The following ERC1 variants were observed in gnomAD, a reference collection of about 807,000 sequenced individuals.
ERC1 encodes the protein ELKS/RAB6-interacting/CAST family member 1, also known as RAB6 interacting protein 2.
ERC1 carries 56 observed loss-of-function variants against 132.0 expected under a neutral mutation model. That is an observed-to-expected ratio of 0.42 (90% CI 0.34 to 0.53). ERC1 has a LOEUF of 0.53. Among genes scored for constraint, ERC1 ranks in the 20% least tolerant of loss-of-function variants. The pLI is 0.03. For missense variants in ERC1, 1,202 were observed against 1,349.9 expected (o/e 0.89, Z 1.72); for synonymous variants, 478 against 476.1 (o/e 1.00, Z -0.05).
intron 7 of ERC1, among the ~76,000 whole-genome samples, chr12:1,139,958 C>G (rs1949716804): frequency 6.6e-6 from 1 of 151,974 alleles, no homozygotes; most frequent in African/African-American, 2.4e-5. Context: ...ATTAGGTTAA[C>G]TATGTATATT....
At chr12:1,463,482 T>C (rs1030590334) in intron 18 of ERC1, among the ~76,000 whole-genome samples, 5 of 152,242 alleles carry the variant, frequency 3.3e-5, no homozygotes, top group African/African-American at 1.2e-4. Flanking sequence ...TGAATGTTTC[T>C]GATCTGGTTT....
chr12:1,180,931 C>A (rs1382617829), intron 9 of ERC1, among the ~76,000 whole-genome samples: 1 of 151,984 alleles, frequency 6.6e-6, no homozygotes, highest in Admixed American at 6.5e-5. Context: ...CCTGCCTCAG[C>A]CTCCCGAGTA....
intron 13 of ERC1, among the ~76,000 whole-genome samples, chr12:1,255,606 C>T (rs1201987912): frequency 8.1e-6 from 1 of 123,224 alleles, no homozygotes. Context: ...TCTTCAGCAT[C>T]TGTTGCTTCC....
At chr12:1,443,014 T>TC (rs1342191282) in intron 17 of ERC1, among the ~76,000 whole-genome samples, 1 of 152,018 alleles carries the variant, frequency 6.6e-6, no homozygotes, top group African/African-American at 2.4e-5. Flanking sequence ...TTCACACCAT[T>TC]CTCCTGCCTC....
chr12:1,447,064 C>A (rs766485278), intron 18 of ERC1, among the ~76,000 whole-genome samples: 11 of 151,682 alleles, frequency 7.3e-5, no homozygotes, highest in Non-Finnish European at 1.2e-4. Flanking sequence ...AATTCAATTC[C>A]TAATAGCTCT....
intron 2 of ERC1, among the ~76,000 whole-genome samples, chr12:1,067,641 T>C (rs1939465631): frequency 6.6e-6 from 1 of 152,158 alleles, no homozygotes; most frequent in South Asian, 2.1e-4. Flanking sequence ...ACAGGTGCTC[T>C]GTTTTAGTTT....
intron 18 of ERC1, among the ~76,000 whole-genome samples, chr12:1,473,772 A>G (rs2093917284): frequency 6.6e-6 from 1 of 152,160 alleles, no homozygotes; most frequent in Non-Finnish European, 1.5e-5. Flanking sequence ...GTTAACTTTA[A>G]TGAGTGGGAA....
intron 2 of ERC1, among the ~76,000 whole-genome samples, chr12:1,048,589 T>C (rs1971440435): frequency 6.6e-6 from 1 of 152,220 alleles, no homozygotes; most frequent in Non-Finnish European, 1.5e-5. Flanking sequence ...TTAGAAAAAT[T>C]GTGCTTCCTA....
intron 15 of ERC1, among the ~76,000 whole-genome samples, chr12:1,305,017 G>GATCTCGTGATCTCGT (rs368020676): frequency 6.6e-6 from 1 of 151,526 alleles, no homozygotes; most frequent in Non-Finnish European, 1.5e-5. Flanking sequence ...CTCGATCTCC[G>GATCTCGTGATCTCGT]GATCCACCCA....
chr12:1,065,226 C>G (rs1474149188), intron 2 of ERC1, among the ~76,000 whole-genome samples: 2 of 152,092 alleles, frequency 1.3e-5, no homozygotes, highest in African/African-American at 4.8e-5. Context: ...GTCTCAAACT[C>G]CTGACCTCAG....
At position 1,424,284 on chromosome 12, in the gene ERC1, G is replaced by A. The variant is rs556598325; in HGVS notation, c.3024+16037G>A. On this transcript the variant is annotated intron_variant, in intron 17 of 18. Transcript: ENST00000360905. ...CTAATGATTGAACATACAATGTCAG[G>A]TGTTTTCAATAGAGGGGTAATAGAA... Among the ~76,000 whole-genome samples the A allele has an allele frequency of 4.9e-4, 75 of 152,272 alleles. 1 individual carries two copies. Among genetic ancestry groups the A allele is most frequent in the African/African-American group, 1.7e-3 (72 of 41,550 alleles).
At chr12:1,122,127 GTCTCTA>G (rs1264141586) in intron 7 of ERC1, among the ~76,000 whole-genome samples, 13 of 39,966 alleles carry the variant, frequency 3.3e-4, no homozygotes, top group African/African-American at 1.3e-3. Context: ...CTCTATCTGT[GTCTCTA>G]TCTCTATCTC....
intron 14 of ERC1, among the ~76,000 whole-genome samples, chr12:1,275,445 G>T (rs116695691): frequency 2.6e-5 from 4 of 152,116 alleles, no homozygotes; most frequent in Non-Finnish European, 5.9e-5. Context: ...TCCAGATTGC[G>T]CCATCTCAAA....
At chr12:1,017,838 A>T (rs1417138528) in intron 1 of ERC1, among the ~76,000 whole-genome samples, 1 of 152,088 alleles carries the variant, frequency 6.6e-6, no homozygotes, top group Non-Finnish European at 1.5e-5. Context: ...TAGGGTACAA[A>T]ATTCATCTTA....
chr12:1,182,404 G>C (rs61914303), intron 10 of ERC1, among the ~76,000 whole-genome samples: 30,340 of 152,116 alleles, frequency 0.2, 3,634 homozygotes, highest in Non-Finnish European at 0.28. Flanking sequence ...TATGCAAAAG[G>C]AGGAAATTTT....
intron 2 of ERC1, among the ~76,000 whole-genome samples, chr12:1,044,111 GTCATAGATGGAACACTGAA>G (rs1970714207): frequency 1.3e-5 from 2 of 152,152 alleles, no homozygotes; most frequent in Non-Finnish European, 2.9e-5. Flanking sequence ...ATTCACTGGT[GTCATAGATGGAACACTGAA>G]TCAGGAGAGC....
chr12:1,464,733 G>A (rs1429071524), intron 18 of ERC1, among the ~76,000 whole-genome samples: 1 of 151,378 alleles, frequency 6.6e-6, no homozygotes, highest in Non-Finnish European at 1.5e-5. Context: ...TGTTAGCCAG[G>A]GTGGTCTCGA....
At chr12:1,175,033 A>G (rs531531348) in intron 8 of ERC1, among the ~76,000 whole-genome samples, 4 of 152,276 alleles carry the variant, frequency 2.6e-5, no homozygotes, top group Non-Finnish European at 5.9e-5. Flanking sequence ...TTTATTAAGT[A>G]TGCAATAGCA....
At chr12:1,194,058 A>AATATGC (rs1955989543) in intron 12 of ERC1, among the ~76,000 whole-genome samples, 1 of 152,194 alleles carries the variant, frequency 6.6e-6, no homozygotes, top group African/African-American at 2.4e-5. Flanking sequence ...TTTCTCTCCT[A>AATATGC]AAATGAGCAT....
Sources: gnomAD v4.1 joint callset for allele counts (sites outside exome capture counted in the v4.1 genomes callset) on GRCh38, gnomAD v4.1.1 for gene constraint, MANE v1.5 for transcripts, NCBI Gene and HGNC (gene_info 2026-07-23, HGNC 2026-07-21) for gene names.